The following CCDC169 variants were observed in gnomAD, a reference collection of about 807,000 sequenced individuals.
CCDC169 encodes the protein coiled-coil domain-containing protein 169.
In CCDC169, 30 loss-of-function variants were observed where a neutral mutation model predicts 36.0. The ratio of observed to expected loss-of-function variants is 0.83; its 90% CI spans 0.62 to 1.13. The LOEUF (loss-of-function observed/expected upper bound fraction) is 1.13, where lower values mean the gene tolerates loss of function less well. CCDC169 is among the 50% of genes most tolerant of loss of function. CCDC169 has a pLI of 0.00. For missense variants in CCDC169, 245 were observed against 245.9 expected (o/e 1.00, Z 0.03); for synonymous variants, 85 against 81.5 (o/e 1.04, Z -0.23).
chr13:36,260,681 C>A (rs1874498521), intron 4 of CCDC169, among the ~76,000 whole-genome samples: 1 of 152,130 alleles, frequency 6.6e-6, no homozygotes, highest in Admixed American at 6.5e-5. Context: ...CTGTAATATC[C>A]TCACAATTCT....
chr13:36,264,429 T>TA (rs915057316), intron 4 of CCDC169, among the ~76,000 whole-genome samples: 16 of 143,608 alleles, frequency 1.1e-4, no homozygotes, highest in African/African-American at 2.0e-4. Context: ...GAGCAATAAA[T>TA]AAAAAAAAAA....
intron 4 of CCDC169, among the ~76,000 whole-genome samples, chr13:36,261,191 G>C (rs1874562580): frequency 6.6e-6 from 1 of 152,202 alleles, no homozygotes; most frequent in Non-Finnish European, 1.5e-5. Flanking sequence ...TCACCCCAGT[G>C]GGTGGACAAT....
At chr13:36,271,911 T>C (rs1430078634) in intron 4 of CCDC169, among the ~76,000 whole-genome samples, 16 of 151,464 alleles carry the variant, frequency 1.1e-4, no homozygotes, top group Admixed American at 1.1e-3. Flanking sequence ...GGTGAAACCC[T>C]ATCTCTACTA....
At chr13:36,257,145 T>C (rs975555) in intron 4 of CCDC169, among the ~76,000 whole-genome samples, 152,298 of 152,338 alleles carry the variant, frequency 1, 76,129 homozygotes, top group Non-Finnish European at 1. Flanking sequence ...GAAAACTGTG[T>C]TCTTGATTTG....
intron 7 of CCDC169, among the ~76,000 whole-genome samples, chr13:36,238,204 T>C (rs1367779515): frequency 6.6e-6 from 1 of 152,218 alleles, no homozygotes; most frequent in Non-Finnish European, 1.5e-5. Flanking sequence ...AATCAGTTAG[T>C]GGTGATGCTT....
At chr13:36,280,672 T>C (rs1007121372) in intron 4 of CCDC169, 1 of 152,238 alleles carries the variant, frequency 6.6e-6, no homozygotes, top group African/African-American at 2.4e-5. Flanking sequence ...TTAATCAATA[T>C]GTATGCATAC....
At chr13:36,295,595 G>A (rs1209109955) in intron 2 of CCDC169, among the ~76,000 whole-genome samples, 183 bp downstream of exon 2, 4 of 152,126 alleles carry the variant, frequency 2.6e-5, no homozygotes, top group Non-Finnish European at 4.4e-5. Context: ...ATAGTAATAG[G>A]TTTGATATTC....
chr13:36,268,570 AAAC>A (rs1456416171), intron 4 of CCDC169, among the ~76,000 whole-genome samples: 3 of 152,214 alleles, frequency 2.0e-5, no homozygotes, highest in African/African-American at 7.2e-5. Context: ...GGAGCTAGAG[AAAC>A]AACAACAAAC....
intron 4 of CCDC169, among the ~76,000 whole-genome samples, chr13:36,258,144 A>G (rs1459008267): frequency 1.3e-5 from 2 of 152,146 alleles, no homozygotes; most frequent in African/African-American, 4.8e-5. Flanking sequence ...TTTGCTTTTG[A>G]GACTGTTATT....
chr13:36,280,368 A>G (rs879806416), intron 4 of CCDC169: 10 of 152,184 alleles, frequency 6.6e-5, no homozygotes, highest in Admixed American at 6.6e-4. Context: ...TTGCCATAAT[A>G]CACTCTGTGG....
chr13:36,278,390 T>C (rs770844399), intron 4 of CCDC169, among the ~76,000 whole-genome samples: 2 of 152,004 alleles, frequency 1.3e-5, no homozygotes, highest in African/African-American at 4.8e-5. Flanking sequence ...CGAGGGAAAA[T>C]AGGTTATACT....
intron 4 of CCDC169, among the ~76,000 whole-genome samples, chr13:36,254,429 C>G (rs1873582035): frequency 6.6e-6 from 1 of 151,936 alleles, no homozygotes; most frequent in Admixed American, 6.6e-5. Context: ...GCACCTGCAA[C>G]CATGCCAGGC....
chr13:36,227,397 T>C (rs1395161451), downstream of CCDC169: 1 of 1,527,406 alleles, frequency 6.5e-7, no homozygotes. Flanking sequence ...TGAAGAGATG[T>C]GAATAGAACA....
At chr13:36,258,293 G>A (rs893192298) in intron 4 of CCDC169, among the ~76,000 whole-genome samples, 3 of 152,140 alleles carry the variant, frequency 2.0e-5, no homozygotes, top group Non-Finnish European at 4.4e-5. Flanking sequence ...CCCCTACAGA[G>A]GTTTTTGTCA....
At chr13:36,231,817 T>G (rs1327628373) in intron 7 of CCDC169, among the ~76,000 whole-genome samples, 3 of 152,212 alleles carry the variant, frequency 2.0e-5, no homozygotes, top group Non-Finnish European at 2.9e-5. Flanking sequence ...GTTTATTTGT[T>G]GCTTTTTTTC....
intron 4 of CCDC169, among the ~76,000 whole-genome samples, chr13:36,257,123 C>G (rs915580446): frequency 1.8e-5 from 1 of 55,276 alleles, no homozygotes; most frequent in East Asian, 5.1e-4. Flanking sequence ...AGGGGAGGTA[C>G]CCGGTGTTAT....
At chr13:36,239,439 G>C (rs191311272) in intron 7 of CCDC169, among the ~76,000 whole-genome samples, 144 of 152,240 alleles carry the variant, frequency 9.5e-4, no homozygotes, top group African/African-American at 3.4e-3. Context: ...ATAAATAATA[G>C]TGGTTAAGCC....
downstream of CCDC169, chr13:36,227,470 ATT>A: frequency 7.6e-7 from 1 of 1,313,306 alleles, no homozygotes. Context: ...AGTTTATTGT[ATT>A]TTTACACACA....
intron 2 of CCDC169, among the ~76,000 whole-genome samples, chr13:36,285,097 AT>A (rs1878007344): frequency 6.6e-6 from 1 of 152,224 alleles, no homozygotes; most frequent in Admixed American, 6.5e-5. Context: ...CTTTCCTAAC[AT>A]GGTAACGGAT....
Sources: allele counts gnomAD v4.1 joint callset (sites outside exome capture counted in the v4.1 genomes callset), GRCh38; gene constraint gnomAD v4.1.1; transcripts MANE v1.5; gene names NCBI Gene and HGNC (gene_info 2026-07-23, HGNC 2026-07-21).